EYS: variants seen among roughly 807,000 people sequenced by gnomAD.
EYS encodes protein eyes shut homolog.
In EYS, 250 loss-of-function variants were observed where a neutral mutation model predicts 282.1. That is an observed-to-expected ratio of 0.89 (90% CI 0.80 to 0.98). The LOEUF is 0.98. Among genes scored for constraint, EYS ranks in the 50% least tolerant of loss-of-function variants. The probability of loss-of-function intolerance (pLI) is 0.00; values close to 1 mark genes in which losing one functional copy is unlikely to be tolerated. For missense variants in EYS, 4,016 were observed against 3,709.0 expected, an observed-to-expected ratio of 1.08 and a Z score of -2.15; for synonymous variants, 1,355 against 1,282.9, an observed-to-expected ratio of 1.06 and a Z score of -1.20.
chr6:63,982,058 C>T (rs1767125543), intron 35 of EYS, among the ~76,000 whole-genome samples: 1 of 151,746 alleles, frequency 6.6e-6, no homozygotes, highest in Non-Finnish European at 1.5e-5. Context: ...ATGTGATGTT[C>T]TTTAATTCAT....
chr6:64,649,422 C>T (rs541148793), intron 22 of EYS, among the ~76,000 whole-genome samples: 192 of 152,130 alleles, frequency 1.3e-3, no homozygotes, highest in Middle Eastern at 3.4e-3. Context: ...CTGCAACCTC[C>T]GCCTTCCAGG....
At chr6:64,002,655 T>C (rs1768151625) in intron 33 of EYS, among the ~76,000 whole-genome samples, 1 of 152,170 alleles carries the variant, frequency 6.6e-6, no homozygotes, top group Non-Finnish European at 1.5e-5. Context: ...TCACATGTCC[T>C]GTGAGGGGAA....
intron 35 of EYS, among the ~76,000 whole-genome samples, chr6:63,978,944 T>G (rs1371977436): frequency 6.6e-6 from 1 of 151,868 alleles, no homozygotes; most frequent in Non-Finnish European, 1.5e-5. Flanking sequence ...GGAAAGAAAC[T>G]CACCTCTGTT....
intron 31 of EYS, among the ~76,000 whole-genome samples, chr6:64,102,489 A>C (rs564390558): frequency 4.8e-4 from 73 of 152,290 alleles, no homozygotes; most frequent in African/African-American, 1.7e-3. Context: ...CAAGATGATT[A>C]AGCTGCCAAT....
chr6:64,189,768 G>C (rs1765049232), intron 31 of EYS, among the ~76,000 whole-genome samples: 1 of 152,064 alleles, frequency 6.6e-6, no homozygotes, highest in African/African-American at 2.4e-5. Flanking sequence ...TTACCCTATG[G>C]ATTTTAGACT....
intron 24 of EYS, among the ~76,000 whole-genome samples, chr6:64,607,010 G>A (rs114738380): frequency 6.6e-6 from 1 of 151,752 alleles, no homozygotes; most frequent in Admixed American, 6.6e-5. Context: ...TTTTAATTAA[G>A]GGGGGAAAAG....
chr6:65,098,285 G>A (rs1774796535), intron 12 of EYS, among the ~76,000 whole-genome samples: 1 of 150,750 alleles, frequency 6.6e-6, no homozygotes, highest in Non-Finnish European at 1.5e-5. Context: ...AAAAGGGTTA[G>A]CGCACAGATA....
At chr6:65,400,860 T>C (rs1449523937) in intron 7 of EYS, among the ~76,000 whole-genome samples, 1 of 151,840 alleles carries the variant, frequency 6.6e-6, no homozygotes, top group Non-Finnish European at 1.5e-5. Flanking sequence ...AAAACTTCAG[T>C]AGAAGAGTAG....
intron 22 of EYS, among the ~76,000 whole-genome samples, chr6:64,660,509 T>C (rs1457731806): frequency 6.6e-6 from 1 of 152,122 alleles, no homozygotes; most frequent in Admixed American, 6.5e-5. Flanking sequence ...GCCCAAAATC[T>C]CCTTAAGCTG....
intron 30 of EYS, among the ~76,000 whole-genome samples, chr6:64,297,936 CCACTG>C (rs1769092014): frequency 6.8e-6 from 1 of 147,846 alleles, no homozygotes; most frequent in Non-Finnish European, 1.5e-5. Context: ...CAAGATAGTG[CCACTG>C]CACTCCAGCC....
intron 26 of EYS, among the ~76,000 whole-genome samples, chr6:64,542,925 T>A (rs2149800090): frequency 6.6e-6 from 1 of 152,232 alleles, no homozygotes; most frequent in South Asian, 2.1e-4. Context: ...AAGAAACTCT[T>A]GAATTTGCAA....
At chr6:65,097,469 C>T (rs778657907) in intron 12 of EYS, among the ~76,000 whole-genome samples, 4 of 150,846 alleles carry the variant, frequency 2.7e-5, no homozygotes, top group African/African-American at 4.8e-5. Context: ...AACAGTACTA[C>T]CACATGATTC....
At chr6:64,033,830 C>A (rs1190679403) in intron 33 of EYS, among the ~76,000 whole-genome samples, 1,240 of 60,340 alleles carry the variant, frequency 0.021, 15 homozygotes, top group African/African-American at 0.069. Context: ...TGAGATTACT[C>A]TCTCTCTCTC....
At chr6:64,794,732 C>T (rs1774301535) in intron 22 of EYS, among the ~76,000 whole-genome samples, 7 of 152,056 alleles carry the variant, frequency 4.6e-5, no homozygotes. Context: ...AAAATCCTGC[C>T]ATATGTGGCC....
intron 35 of EYS, among the ~76,000 whole-genome samples, chr6:63,980,746 A>C (rs1328640415): frequency 3.3e-5 from 5 of 152,012 alleles, no homozygotes; most frequent in South Asian, 2.1e-4. Context: ...AACTCTGCCT[A>C]GATGGGCTCA....
chr6:64,396,430 A>G (rs1303256030), intron 28 of EYS, among the ~76,000 whole-genome samples: 7 of 152,018 alleles, frequency 4.6e-5, no homozygotes, highest in Non-Finnish European at 1.0e-4. Flanking sequence ...TAGTTTTTTA[A>G]TGGTGTTTTT....
intron 35 of EYS, among the ~76,000 whole-genome samples, chr6:63,925,635 T>C (rs930204889): frequency 1.1e-4 from 17 of 152,212 alleles, no homozygotes; most frequent in Non-Finnish European, 1.0e-4. Context: ...CAACCTGTCA[T>C]CTAGGTTTTT....
rs3036008 is a variant in EYS at position 65,119,630 on chromosome 6, CT to C, written c.2024-61904del. Among the ~76,000 whole-genome samples the C allele has an allele frequency of 4.7e-3, 639 of 135,160 alleles. 5 individuals are homozygous for C. Among genetic ancestry groups the C allele is most frequent in the East Asian group, 0.011 (52 of 4,718 alleles). 88.7% of individuals were successfully genotyped at this position (135,160 alleles called of 152,430 possible). ...TTTTAAAATTTCTTAGCCTTTTTAT[CT>C]TTTTTTTTTTTTTGCCTAAATCAGT... On this transcript the variant is annotated intron_variant, in intron 12 of 42. Transcript: ENST00000503581.
chr6:64,294,940 A>G (rs755198629), intron 30 of EYS, among the ~76,000 whole-genome samples: 17 of 152,178 alleles, frequency 1.1e-4, no homozygotes, highest in Non-Finnish European at 2.2e-4. Context: ...TGATTGCCTC[A>G]AGGAGAAGCA....
Sources: gnomAD v4.1 joint callset for allele counts (sites outside exome capture counted in the v4.1 genomes callset) on GRCh38, gnomAD v4.1.1 for gene constraint, MANE v1.5 for transcripts, NCBI Gene and HGNC (gene_info 2026-07-23, HGNC 2026-07-21) for gene names.